Variants in ESRRG observed in about 807,000 individuals in gnomAD.
ESRRG encodes estrogen-related receptor gamma.
In ESRRG, 13 loss-of-function variants were observed where a neutral mutation model predicts 44.0. That is an observed-to-expected ratio of 0.30 (90% confidence interval 0.19 to 0.47). The LOEUF is 0.47. Ranked by LOEUF, ESRRG falls within the 20% of genes least tolerant of loss-of-function variation. The probability of loss-of-function intolerance (pLI) is 1.00; values close to 1 mark genes in which losing one functional copy is unlikely to be tolerated. For missense variants in ESRRG, 395 were observed against 580.6 expected, an observed-to-expected ratio of 0.68 and a Z score of 3.29; for synonymous variants, 215 against 214.6, an observed-to-expected ratio of 1.00 and a Z score of -0.02.
At chr1:217,113,519 A>C (rs529313195) in intron 1 of ESRRG, among the ~76,000 whole-genome samples, 1 of 152,222 alleles carries the variant, frequency 6.6e-6, no homozygotes, top group Non-Finnish European at 1.5e-5. Flanking sequence ...GCCCATCCAC[A>C]TATGGACATG....
At chr1:217,028,974 C>G (rs1342986768) in intron 1 of ESRRG, among the ~76,000 whole-genome samples, 3 of 152,102 alleles carry the variant, frequency 2.0e-5, no homozygotes, top group Admixed American at 6.5e-5. Context: ...ACACTGGACC[C>G]CTCTTTATCT....
rs78959704 is a variant in ESRRG, at chr1:216,615,266, G to C, written c.589+35707C>G. On this transcript the variant is annotated intron_variant, in intron 3 of 6. Transcript: ENST00000408911. ...CACCAACCTTCAGGGAAATCACTCT[G>C]AAATAACTTTGCTTACAAAGAACAA... 2.7e-3 allele frequency among the ~76,000 whole-genome samples: 417 copies of C among 152,264 alleles called. 3 individuals are homozygous for C. Among genetic ancestry groups the C allele is most frequent in the African/African-American group, 9.6e-3 (401 of 41,566 alleles).
chr1:216,670,820 A>C (rs887316468), intron 2 of ESRRG, among the ~76,000 whole-genome samples: 2 of 152,120 alleles, frequency 1.3e-5, no homozygotes, highest in African/African-American at 4.8e-5. Context: ...AGAGAAAGAA[A>C]GGGGATGGGC....
chr1:216,906,694 C>T (rs2059720639), intron 2 of ESRRG, among the ~76,000 whole-genome samples: 1 of 152,208 alleles, frequency 6.6e-6, no homozygotes, highest in African/African-American at 2.4e-5. Flanking sequence ...TTTCCTAGGA[C>T]ATGGGACCCA....
At chr1:216,742,434 T>C (rs1363502062) in intron 2 of ESRRG, among the ~76,000 whole-genome samples, 4 of 152,152 alleles carry the variant, frequency 2.6e-5, no homozygotes, top group Non-Finnish European at 1.5e-5. Context: ...GTTTCTCCAA[T>C]AGAATGTAAG....
chr1:216,934,528 G>T (rs958579121), intron 2 of ESRRG, among the ~76,000 whole-genome samples: 1 of 152,044 alleles, frequency 6.6e-6, no homozygotes, highest in Admixed American at 6.6e-5. Flanking sequence ...TCACAATCAC[G>T]GTGGAAGGCA....
At chr1:216,843,319 C>T (rs1390916405) in intron 2 of ESRRG, among the ~76,000 whole-genome samples, 1 of 151,906 alleles carries the variant, frequency 6.6e-6, no homozygotes, top group Non-Finnish European at 1.5e-5. Flanking sequence ...TAGAAGACAA[C>T]CTTTTTTCCA....
At chr1:217,042,451 T>G (rs1331022576) in intron 1 of ESRRG, among the ~76,000 whole-genome samples, 1 of 137,822 alleles carries the variant, frequency 7.3e-6, no homozygotes, top group Non-Finnish European at 1.6e-5. Flanking sequence ...AAGGAAAAAA[T>G]GCACACACAC....
intron 2 of ESRRG, among the ~76,000 whole-genome samples, chr1:216,851,977 A>G (rs1387480153): frequency 2.6e-5 from 4 of 152,224 alleles, no homozygotes; most frequent in African/African-American, 9.6e-5. Context: ...CAAAACTTTG[A>G]CAAAGAGCCC....
chr1:216,867,152 T>C (rs2096179629), intron 2 of ESRRG, among the ~76,000 whole-genome samples: 1 of 152,200 alleles, frequency 6.6e-6, no homozygotes, highest in Non-Finnish European at 1.5e-5. Context: ...AGAATAACTA[T>C]CTTTGCATTA....
chr1:216,555,777 G>T (rs1241347376), intron 5 of ESRRG, among the ~76,000 whole-genome samples: 1 of 152,042 alleles, frequency 6.6e-6, no homozygotes, highest in East Asian at 1.9e-4. Context: ...CGAAATCCTT[G>T]CTAAAAGTGA....
chr1:216,953,556 T>C (rs2067355416), intron 1 of ESRRG, among the ~76,000 whole-genome samples: 1 of 152,076 alleles, frequency 6.6e-6, no homozygotes, highest in Admixed American at 6.6e-5. Context: ...CTGTTCCCTA[T>C]CCCCGATACC....
chr1:216,849,203 G>A (rs1247777338), intron 2 of ESRRG, among the ~76,000 whole-genome samples: 2 of 152,086 alleles, frequency 1.3e-5, no homozygotes, highest in Non-Finnish European at 2.9e-5. Context: ...CTGAAAAGGA[G>A]TCAGGGTGAA....
chr1:216,508,723 A>C (rs192510513), intron 6 of ESRRG, among the ~76,000 whole-genome samples: 1 of 152,330 alleles, frequency 6.6e-6, no homozygotes, highest in East Asian at 1.9e-4. Context: ...ACAGAAAAAC[A>C]TTCATAGAGA....
chr1:217,002,142 A>T (rs2077105102), intron 1 of ESRRG, among the ~76,000 whole-genome samples: 1 of 151,936 alleles, frequency 6.6e-6, no homozygotes, highest in African/African-American at 2.4e-5. Context: ...TCTCTACTAA[A>T]AATACAAAAA....
intron 3 of ESRRG, among the ~76,000 whole-genome samples, chr1:216,588,965 G>A (rs1466253817): frequency 6.6e-6 from 1 of 152,110 alleles, no homozygotes; most frequent in African/African-American, 2.4e-5. Flanking sequence ...GACTGAAGGT[G>A]TAAGGAAAAA....
At chr1:216,544,017 A>C (rs768944059) in intron 5 of ESRRG, among the ~76,000 whole-genome samples, 85 of 152,150 alleles carry the variant, frequency 5.6e-4, no homozygotes, top group Non-Finnish European at 1.1e-3. Flanking sequence ...ATACAGAGAT[A>C]ACTGTGTGCA....
intron 1 of ESRRG, among the ~76,000 whole-genome samples, chr1:216,689,135 A>G (rs2078588522): frequency 6.6e-6 from 1 of 152,188 alleles, no homozygotes; most frequent in Admixed American, 6.5e-5. Flanking sequence ...GAGAAAGATT[A>G]AACTATGCTC....
intron 2 of ESRRG, among the ~76,000 whole-genome samples, chr1:216,830,239 T>C (rs1305793597): frequency 6.6e-6 from 1 of 152,200 alleles, no homozygotes; most frequent in East Asian, 1.9e-4. Context: ...CAAATACGAC[T>C]CAGCCAAATT....
Sources: gnomAD v4.1 joint callset for allele counts (sites outside exome capture counted in the v4.1 genomes callset) on GRCh38, gnomAD v4.1.1 for gene constraint, MANE v1.5 for transcripts, NCBI Gene and HGNC (gene_info 2026-07-23, HGNC 2026-07-21) for gene names.